Variants in PAX3 observed in about 807,000 individuals in gnomAD.
PAX3 encodes paired box 3.
PAX3 carries 14 observed loss-of-function variants against 51.6 expected under a neutral mutation model. The observed-to-expected ratio is 0.27, with a 90% confidence interval of 0.18 to 0.42. The LOEUF is 0.42. Among genes scored for constraint, PAX3 ranks in the 10% least tolerant of loss-of-function variants. PAX3 has a pLI of 1.00. For missense variants in PAX3, 540 were observed against 642.8 expected, an observed-to-expected ratio of 0.84 and a Z score of 1.73; for synonymous variants, 280 against 253.4, an observed-to-expected ratio of 1.11 and a Z score of -1.00.
At chr2:222,258,927 G>A (rs543955954) in intron 4 of PAX3, among the ~76,000 whole-genome samples, 1 of 149,558 alleles carries the variant, frequency 6.7e-6, no homozygotes, top group South Asian at 2.2e-4. Flanking sequence ...CAAATCTGCG[G>A]TTGACTGTGG....
intron 4 of PAX3, among the ~76,000 whole-genome samples, chr2:222,252,631 A>T: frequency 6.6e-6 from 1 of 152,102 alleles, no homozygotes; most frequent in South Asian, 2.1e-4. Context: ...TCCCTCTGCC[A>T]TGTGGATGGA....
chr2:222,251,294 C>T (rs959542417), intron 4 of PAX3, among the ~76,000 whole-genome samples: 6 of 152,066 alleles, frequency 3.9e-5, no homozygotes, highest in African/African-American at 1.4e-4. Context: ...GTGATGTTCC[C>T]CTTCCTGTGT....
intron 7 of PAX3, 150 bp downstream of exon 7, chr2:222,219,990 A>G: frequency 1.4e-6 from 1 of 703,266 alleles, no homozygotes; most frequent in Non-Finnish European, 2.5e-6. Context: ...AAGGGTGGAG[A>G]GAAAGGAAAC....
At chr2:222,256,306 C>T (rs1047049786) in intron 4 of PAX3, among the ~76,000 whole-genome samples, 7 of 152,166 alleles carry the variant, frequency 4.6e-5, no homozygotes, top group Non-Finnish European at 8.8e-5. Flanking sequence ...GTTCTTCCCT[C>T]CAGCCAGCCC....
intron 4 of PAX3, among the ~76,000 whole-genome samples, chr2:222,251,183 C>T (rs1693417303): frequency 6.6e-6 from 1 of 151,964 alleles, no homozygotes. Context: ...ATACATGTGC[C>T]ATGTTGGTGT....
intron 4 of PAX3, among the ~76,000 whole-genome samples, chr2:222,233,814 G>A (rs1479907548): frequency 6.6e-6 from 1 of 152,126 alleles, no homozygotes; most frequent in African/African-American, 2.4e-5. Context: ...AAGGGGCCGA[G>A]GTTACTGTCA....
chr2:222,240,905 C>T (rs894447452), intron 4 of PAX3, among the ~76,000 whole-genome samples: 1 of 152,236 alleles, frequency 6.6e-6, no homozygotes, highest in East Asian at 1.9e-4. Context: ...ACCACCAAAG[C>T]ATTTCAAAGA....
chr2:222,253,974 T>G (rs1693539104), intron 4 of PAX3, among the ~76,000 whole-genome samples: 1 of 152,168 alleles, frequency 6.6e-6, no homozygotes, highest in South Asian at 2.1e-4. Flanking sequence ...CTCCAAAATG[T>G]TTCTTTAAAT....
chr2:222,269,569 T>A (rs1345248335), intron 4 of PAX3, among the ~76,000 whole-genome samples: 1 of 151,862 alleles, frequency 6.6e-6, no homozygotes, highest in Non-Finnish European at 1.5e-5. Context: ...AGTAAACAAA[T>A]TTTTTTAAAA....
At chr2:222,272,966 T>A (rs183261372) in intron 4 of PAX3, among the ~76,000 whole-genome samples, 1 of 152,318 alleles carries the variant, frequency 6.6e-6, no homozygotes, top group Admixed American at 6.5e-5. Context: ...CTTTGACTGT[T>A]TGTATTTCTG....
rs1054092645 is a variant in PAX3, at chr2:222,290,693, T to A, written c.586+3474A>T. ...CGCGTGTCCATTTACAGTCCTCAAC[T>A]GTCCTCTAATTCCATTACTGCACAA... is the stretch of plus-strand genomic sequence containing the variant. On this transcript the variant is annotated intron_variant, in intron 4 of 8. Transcript: ENST00000392070. Among the ~76,000 whole-genome samples the A allele has an allele frequency of 2.0e-5, 3 of 152,210 alleles. No individual in the cohort carries two copies. The South Asian group carries it at 6.2e-4, about 31-fold the overall frequency.
At chr2:222,202,311 G>A (rs1691328495) in intron 7 of PAX3, 121 bp from the exon 8 acceptor site, 1 of 810,602 alleles carries the variant, frequency 1.2e-6, no homozygotes, top group African/African-American at 1.7e-5. Context: ...TTAAAGAGCT[G>A]TCCAGGAGAC....
At chr2:222,218,451 A>G (rs186836873) in intron 7 of PAX3, among the ~76,000 whole-genome samples, 11 of 152,348 alleles carry the variant, frequency 7.2e-5, no homozygotes, top group South Asian at 2.1e-4. Flanking sequence ...AGAAATGCCA[A>G]TGGAATCTGG....
intron 7 of PAX3, among the ~76,000 whole-genome samples, chr2:222,207,150 A>T (rs1274799918): frequency 6.6e-6 from 1 of 152,146 alleles, no homozygotes; most frequent in Admixed American, 6.5e-5. Context: ...TGTTTATCCA[A>T]ATGTTTTTTG....
Position 222,298,825 on chromosome 2 carries a change from C to T in PAX3, c.-210G>A, listed in dbSNP as rs1695453668. On this transcript the variant is annotated 5_prime_UTR_variant, in exon 1 of 9. Coordinates refer to ENST00000392070, the MANE Select transcript of PAX3 (RefSeq NM_181458.4). ...CCCGGGAAAGGGGAGGACGGGGAGG[C>T]CCCGGAGTCCAGGATCCCGAGCCCA... 4 of 608,858 alleles carry T rather than the reference C, an allele frequency of 6.6e-6. No individual in the cohort carries two copies. The highest frequency in any genetic ancestry group is 8.8e-6 in the Non-Finnish European group (3 of 339,942). The allele number at this position is 608,858 out of a possible 1,614,324, so 37.7% of individuals were successfully genotyped here. A position where few individuals can be genotyped will look rare whatever the true frequency, so the allele number is the denominator to read the frequency against.
At chr2:222,259,094 C>T (rs777913914) in intron 4 of PAX3, among the ~76,000 whole-genome samples, 23 of 152,242 alleles carry the variant, frequency 1.5e-4, no homozygotes, top group Admixed American at 7.2e-4. Context: ...GTTTCCTCAA[C>T]TAAATTTATT....
intron 4 of PAX3, among the ~76,000 whole-genome samples, chr2:222,255,640 A>G (rs1239958922): frequency 6.6e-6 from 1 of 152,244 alleles, no homozygotes; most frequent in Non-Finnish European, 1.5e-5. Flanking sequence ...CCTTGATGTT[A>G]GGAAAGTACT....
chr2:222,255,402 A>C (rs1216284729), intron 4 of PAX3, among the ~76,000 whole-genome samples: 1 of 152,236 alleles, frequency 6.6e-6, no homozygotes, highest in African/African-American at 2.4e-5. Context: ...CAGCACCTGC[A>C]TCAGAATCAC....
rs1455880718 is a variant in PAX3, at chr2:222,202,099, G to C, written c.1265C>G (p.Thr422Ser). The C allele has an allele frequency of 6.2e-7, 1 of 1,613,974 alleles. No individual in the cohort carries two copies. Among genetic ancestry groups the C allele is most frequent in the Non-Finnish European group, 8.5e-7 (1 of 1,179,986 alleles). ...LSPLTGGLEP[T>S]TTVSASCSQR... ...ACTGCAGCTGGCCGACACCGTGGTGGTAGGTTCCAGACCCCCGGTGAGAGG... is the reference window on the plus strand; with the variant it reads ...ACTGCAGCTGGCCGACACCGTGGTGCTAGGTTCCAGACCCCCGGTGAGAGG... Residue 422 changes from threonine to serine, a missense_variant, in exon 8 of 9, where the codon ACC becomes AGC. Thr to Ser is a moderately conservative substitution (Grantham distance 58). This residue lies in a region of PAX3 where 427 missense variants were observed against 483.6 expected (regional missense o/e 0.88). Coordinates refer to ENST00000392070, the MANE Select transcript of PAX3 (RefSeq NM_181458.4).
Sources: gnomAD v4.1 joint callset for allele counts (sites outside exome capture counted in the v4.1 genomes callset) on GRCh38, gnomAD v4.1.1 for gene constraint, gnomAD v4.1.1 regional missense constraint, MANE v1.5 for transcripts, NCBI Gene and HGNC (gene_info 2026-07-23, HGNC 2026-07-21) for gene names.